The following DOCK10 variants were observed in gnomAD, a reference collection of about 807,000 sequenced individuals.
DOCK10 encodes the protein dedicator of cytokinesis 10.
In DOCK10, 145 loss-of-function variants were observed where a neutral mutation model predicts 280.1. The ratio of observed to expected loss-of-function variants is 0.52; its 90% confidence interval spans 0.45 to 0.59. DOCK10 has a LOEUF of 0.59. Ranked by LOEUF, DOCK10 falls within the 20% of genes least tolerant of loss-of-function variation. The pLI is 0.00. For synonymous variants in DOCK10, 915 were observed against 942.2 expected (o/e 0.97, Z 0.53); for missense variants, 2,368 against 2,651.7 (o/e 0.89, Z 2.35).
intron 25 of DOCK10, among the ~76,000 whole-genome samples, chr2:224,835,210 G>A (rs1171818396): frequency 6.6e-6 from 1 of 152,206 alleles, no homozygotes; most frequent in African/African-American, 2.4e-5. Context: ...AAAATCAAGA[G>A]TAATACAATT....
chr2:224,960,064 C>G (rs1016462953), intron 1 of DOCK10, among the ~76,000 whole-genome samples: 10 of 152,230 alleles, frequency 6.6e-5, no homozygotes, highest in African/African-American at 2.2e-4. Context: ...CTCCACCAAT[C>G]AGATTGTTCC....
chr2:224,773,134 A>C, intron 53 of DOCK10, 23 bp downstream of exon 53: 2 of 1,574,732 alleles, frequency 1.3e-6, no homozygotes, highest in Non-Finnish European at 1.7e-6. Flanking sequence ...TGTGCATCTC[A>C]GCCCTGGGCA....
At chr2:224,857,312 T>C (rs1697214560) in intron 14 of DOCK10, among the ~76,000 whole-genome samples, 1 of 152,164 alleles carries the variant, frequency 6.6e-6, no homozygotes, top group African/African-American at 2.4e-5. Flanking sequence ...CTCTTTTAAA[T>C]TATGTTTCCA....
intron 3 of DOCK10, among the ~76,000 whole-genome samples, chr2:224,911,877 T>C (rs1459837793): frequency 6.6e-6 from 1 of 152,228 alleles, no homozygotes; most frequent in Non-Finnish European, 1.5e-5. Context: ...TAATGGACTA[T>C]GTTTGCTGAA....
At chr2:224,992,929 G>T (rs1161563014) in intron 1 of DOCK10, among the ~76,000 whole-genome samples, 4 of 152,228 alleles carry the variant, frequency 2.6e-5, no homozygotes, top group Non-Finnish European at 5.9e-5. Context: ...TAAGGTAGAG[G>T]TGAAGATAGG....
Position 224,856,685 on chromosome 2 carries a change from A to C in DOCK10, c.1808+175T>G, listed in dbSNP as rs947595801. Among the ~76,000 whole-genome samples the C allele has an allele frequency of 5.4e-4, 83 of 152,314 alleles. 1 individual carries two copies. Among genetic ancestry groups the C allele is most frequent in the African/African-American group, 1.9e-3 (81 of 41,568 alleles). Reference sequence around the variant, plus strand: ...TTAACATTTCACAGTCCTTCCATATAATTCTAGCAATTTTTACTTTTGTGG... The same window carrying C: ...TTAACATTTCACAGTCCTTCCATATCATTCTAGCAATTTTTACTTTTGTGG... On this transcript the variant is annotated intron_variant, in intron 15 of 55. Transcript: ENST00000258390.
chr2:224,870,529 G>A (rs1698203479), intron 11 of DOCK10, among the ~76,000 whole-genome samples: 2 of 152,032 alleles, frequency 1.3e-5, no homozygotes, highest in South Asian at 2.1e-4. Flanking sequence ...TCTACCAGAT[G>A]GACTCCTCTT....
intron 1 of DOCK10, among the ~76,000 whole-genome samples, chr2:224,997,682 G>T (rs560914862): frequency 1.3e-5 from 2 of 152,262 alleles, no homozygotes; most frequent in East Asian, 3.9e-4. Flanking sequence ...GAGTTAGACA[G>T]CAGCCCATGT....
intron 53 of DOCK10, among the ~76,000 whole-genome samples, chr2:224,772,814 G>T (rs371361317): frequency 6.6e-6 from 1 of 152,048 alleles, no homozygotes; most frequent in Non-Finnish European, 1.5e-5. Flanking sequence ...ATTTTTTAAG[G>T]CTCTTAATGA....
Position 224,773,199 on chromosome 2 carries a change from C to T in DOCK10, c.6162G>A (p.Met2054Ile). Residue 2054 changes from methionine (M) to isoleucine (I), a missense_variant, in exon 53 of 56, where the codon ATG becomes ATA. Physicochemically the swap from Met to Ile is conservative, Grantham distance 10 (BLOSUM62 1). Coordinates refer to ENST00000258390, the MANE Select transcript of DOCK10 (RefSeq NM_014689.3). ...NQLCTMEEVD[M>I]IRLQLKLQGS... ...CTTGCAGTTTGAGCTGCAGTCTGAT[C>T]ATGTCCACTTCTTCCATTGTGCAAA... 1 of 1,613,886 alleles carries T rather than the reference C, an allele frequency of 6.2e-7. No individual in the cohort carries two copies. Among genetic ancestry groups the T allele is most frequent in the Non-Finnish European group, 8.5e-7 (1 of 1,179,822 alleles).
rs187626634 is a variant in DOCK10 at position 224,770,704 on chromosome 2, G to A, written c.6205-59C>T. 138 of 1,250,448 alleles carry A rather than the reference G, an allele frequency of 1.1e-4. 2 individuals are homozygous for A. Among genetic ancestry groups the A allele is most frequent in the Middle Eastern group, 9.3e-4 (5 of 5,376 alleles). 77.5% of individuals were successfully genotyped at this position (1,250,448 alleles called of 1,614,324 possible). ...CCTTCTGCATGGAGTCTTTTCCACC[G>A]CTGGAAGAGGAGCAACTGTGCACCA... On this transcript the variant is annotated intron_variant, in intron 53 of 55. Coordinates refer to ENST00000258390, the MANE Select transcript of DOCK10 (RefSeq NM_014689.3). This position sits in a 1 kb window ranked among gnomAD's most constrained non-coding sequence, Gnocchi z 4.5.
intron 43 of DOCK10, among the ~76,000 whole-genome samples, 184 bp from the exon 44 acceptor site, chr2:224,796,610 T>TA (rs562164966): frequency 1.7e-3 from 263 of 152,284 alleles, no homozygotes; most frequent in Non-Finnish European, 2.6e-3. Context: ...CTTAAATACC[T>TA]AAGAGAGGCT....
intron 11 of DOCK10, among the ~76,000 whole-genome samples, chr2:224,872,884 GC>G (rs2125677310): frequency 6.6e-6 from 1 of 151,980 alleles, no homozygotes; most frequent in African/African-American, 2.4e-5. Context: ...TATTAACTGT[GC>G]CTTATATTGA....
At position 224,805,512 on chromosome 2, in the gene DOCK10, T is replaced by C. The variant is rs1459618729; in HGVS notation, c.3832A>G (p.Ile1278Val). 3.1e-6 allele frequency: 5 copies of C among 1,612,396 alleles called. No individual in the cohort carries two copies. Among genetic ancestry groups the C allele is most frequent in the Non-Finnish European group, 4.2e-6 (5 of 1,178,938 alleles). ...NSIAAFSSIA[I>V]STVNHADSRA... The stretch of plus-strand genomic sequence containing the variant: ...GAGTCAGCATGGTTTACTGTAGAAA[T>C]AGCTATTGATGAAAATGCTGTAAAC... The change falls in exon 35 of 56, where the codon ATT becomes GTT. Residue 1278 changes from isoleucine to valine, a missense_variant. Coordinates refer to ENST00000258390, the MANE Select transcript of DOCK10 (RefSeq NM_014689.3). The surrounding 1 kb of genome is among the most constrained non-coding windows in gnomAD (Gnocchi z 4.3).
At position 224,896,232 on chromosome 2, in the gene DOCK10, C is replaced by T. The variant is rs984954694; in HGVS notation, c.416+63G>A. On this transcript the variant is annotated intron_variant, in intron 4 of 55. Coordinates refer to ENST00000258390, the MANE Select transcript of DOCK10 (RefSeq NM_014689.3). ...CGTGTATTCATGAACAATGGCAGGA[C>T]TAGAACAGAGGATGTCATCTATATT... The T allele has an allele frequency of 4.7e-5, 47 of 996,348 alleles. No homozygotes were observed. In the East Asian group the frequency reaches 1.2e-3, roughly 24 times the overall value. The allele number at this position is 996,348 out of a possible 1,614,324, so 61.7% of individuals were successfully genotyped here.
At position 224,878,348 on chromosome 2, in the gene DOCK10, G is replaced by A. The variant is rs1488685947; in HGVS notation, c.748-2127C>T. ...TCCATTTCACATGTAGTGAAACTGAGTTTTGGGGAGATTAATTAAAATGTG... is the reference window on the plus strand; with the variant it reads ...TCCATTTCACATGTAGTGAAACTGAATTTTGGGGAGATTAATTAAAATGTG... On this transcript the variant is annotated intron_variant, in intron 7 of 55. Coordinates refer to ENST00000258390, the MANE Select transcript of DOCK10 (RefSeq NM_014689.3). Among the ~76,000 whole-genome samples, 4 of 152,330 alleles carry A rather than the reference G, an allele frequency of 2.6e-5. No individual in the cohort carries two copies. The South Asian group carries it at 6.2e-4, about 24-fold the overall frequency.
intron 1 of DOCK10, among the ~76,000 whole-genome samples, chr2:225,037,156 T>G (rs1023330095): frequency 1.4e-4 from 21 of 152,228 alleles, no homozygotes; most frequent in Non-Finnish European, 3.1e-4. Context: ...TGAAGTAGAC[T>G]GCAGGAGGAT....
At chr2:224,984,355 C>G (rs637665) in intron 1 of DOCK10, among the ~76,000 whole-genome samples, 116,734 of 152,234 alleles carry the variant, frequency 0.77, 45,257 homozygotes, top group African/African-American at 0.88. Context: ...CTGACCTCTG[C>G]GGTGGCTTTT....
At chr2:224,790,677 T>C (rs886090450) in intron 47 of DOCK10, among the ~76,000 whole-genome samples, 2 of 152,240 alleles carry the variant, frequency 1.3e-5, no homozygotes, top group African/African-American at 4.8e-5. Flanking sequence ...GATAGTTAAT[T>C]GTAGGAGAAG....
Sources: gnomAD v4.1 joint callset for allele counts (sites outside exome capture counted in the v4.1 genomes callset) on GRCh38, gnomAD v4.1.1 for gene constraint, Gnocchi (gnomAD v3.1) non-coding constraint, MANE v1.5 for transcripts, NCBI Gene and HGNC (gene_info 2026-07-23, HGNC 2026-07-21) for gene names.